CASP9: variants seen among roughly 807,000 people sequenced by gnomAD.
CASP9 encodes caspase 9, also known as caspase-9.
In CASP9, 29 loss-of-function variants were observed where a neutral mutation model predicts 43.5. The ratio of observed to expected loss-of-function variants is 0.67; its 90% CI spans 0.50 to 0.91. The LOEUF is 0.91. CASP9 is among the 40% of genes least tolerant of loss of function. The pLI is 0.00. For missense variants in CASP9, 575 were observed against 537.4 expected (o/e 1.07, Z -0.69); for synonymous variants, 206 against 211.9 (o/e 0.97, Z 0.24).
intron 6 of CASP9, among the ~76,000 whole-genome samples, chr1:15,499,253 C>G (rs1709232051): frequency 6.6e-6 from 1 of 152,172 alleles, no homozygotes; most frequent in South Asian, 2.1e-4. Flanking sequence ...TTCTTTACAT[C>G]TGCAAAGTGA....
intron 3 of CASP9, 70 bp from the exon 4 acceptor site, chr1:15,507,145 G>A: frequency 6.3e-7 from 1 of 1,582,624 alleles, no homozygotes; most frequent in Non-Finnish European, 8.7e-7. Flanking sequence ...TGGAGAGGCG[G>A]GAAGAAAACG....
chr1:15,513,947 C>A (rs962208840), intron 2 of CASP9, among the ~76,000 whole-genome samples: 1 of 152,140 alleles, frequency 6.6e-6, no homozygotes, highest in Admixed American at 6.5e-5. Flanking sequence ...TGTGATGACA[C>A]CTCAAACAAT....
intron 1 of CASP9, 65 bp from the exon 2 acceptor site, chr1:15,518,460 C>T: frequency 6.6e-7 from 1 of 1,516,640 alleles, no homozygotes. Flanking sequence ...CACCTTGTCT[C>T]CCCATTTCCC....
intron 2 of CASP9, 96 bp from the exon 3 acceptor site, chr1:15,508,003 C>T (rs774500501): frequency 5.2e-5 from 66 of 1,257,166 alleles, no homozygotes; most frequent in Non-Finnish European, 6.6e-5. Context: ...AACGGAGCAG[C>T]GAGAACTCAG....
At chr1:15,524,388 G>C, upstream of CASP9, 2 of 1,351,850 alleles carry the variant, frequency 1.5e-6, no homozygotes, top group Non-Finnish European at 1.9e-6. Flanking sequence ...AGTCGCTCTT[G>C]CGTCACCGCC....
Position 15,518,198 on chromosome 1 carries a change from C to A in CASP9, c.330G>T (p.Val110=). Residue 110 remains valine, a synonymous_variant, in exon 2 of 9, where the codon GTG becomes GTT. Transcript: ENST00000333868. ...CTGGTTTGCGAATCTCTGGTCTGAG[C>A]ACCACTGGGGTAAGGTTTTCTAGGG... The part of the protein sequence containing the change: ...KPTLENLTPV[V]LRPEIRKPEV... 6.2e-7 allele frequency: 1 copy of A among 1,614,220 alleles called. No individual in the cohort carries two copies. Among genetic ancestry groups the A allele is most frequent in the Non-Finnish European group, 8.5e-7 (1 of 1,180,042 alleles).
intron 2 of CASP9, 122 bp downstream of exon 2, chr1:15,517,988 G>T: frequency 8.3e-7 from 1 of 1,206,124 alleles, no homozygotes; most frequent in Non-Finnish European, 1.2e-6. Context: ...CCATCCCTAT[G>T]AACATTCAGA....
chr1:15,516,189 G>A (rs1709940413), intron 2 of CASP9, among the ~76,000 whole-genome samples: 1 of 143,790 alleles, frequency 7.0e-6, no homozygotes, highest in African/African-American at 2.6e-5. Flanking sequence ...GTGACAGAGC[G>A]AGACTCCCTC....
At chr1:15,516,749 G>A (rs2042369) in intron 2 of CASP9, among the ~76,000 whole-genome samples, 41,500 of 152,082 alleles carry the variant, frequency 0.27, 6,486 homozygotes, top group African/African-American at 0.42. Flanking sequence ...AGAACTAGAC[G>A]CACATGCAAG....
chr1:15,511,224 G>A (rs1370189276), intron 2 of CASP9, among the ~76,000 whole-genome samples: 1 of 152,172 alleles, frequency 6.6e-6, no homozygotes, highest in African/African-American at 2.4e-5. Context: ...TCTTTCAGTT[G>A]TTTTGGGTGA....
chr1:15,521,269 C>CAA (rs34494163), intron 1 of CASP9, among the ~76,000 whole-genome samples: 33 of 124,914 alleles, frequency 2.6e-4, no homozygotes, highest in African/African-American at 9.5e-4. Flanking sequence ...GACACCACCT[C>CAA]AAAAAAAAAA....
intron 8 of CASP9, 149 bp from the exon 9 acceptor site, chr1:15,493,184 A>G: frequency 6.9e-7 from 1 of 1,449,014 alleles, no homozygotes; most frequent in Non-Finnish European, 9.0e-7. Flanking sequence ...CTTAAAGAAT[A>G]CGCACCTCAA....
At position 15,524,051 on chromosome 1, in the gene CASP9, A is replaced by ATGGGGCC; in HGVS notation, c.132+17_132+18insGGCCCCA. On this transcript the variant is annotated intron_variant, in intron 1 of 8. Coordinates refer to ENST00000333868, the MANE Select transcript of CASP9 (RefSeq NM_001229.5). ...GGACCCGGCCGTGCAGCGCGGGGAC[A>ATGGGGCC]GGGGGCCGGGGGCGCACCTGGATGT... 1 of 1,392,356 alleles carries ATGGGGCC rather than the reference A, an allele frequency of 7.2e-7. No individual in the cohort carries two copies. 86.3% of individuals were successfully genotyped at this position (1,392,356 alleles called of 1,614,324 possible). A position where few individuals can be genotyped will look rare whatever the true frequency, so the allele number is the denominator to read the frequency against.
intron 7 of CASP9, among the ~76,000 whole-genome samples, chr1:15,494,605 T>C (rs191755187): frequency 6.7e-6 from 1 of 149,006 alleles, no homozygotes; most frequent in African/African-American, 2.5e-5. Context: ...GGCTCACGCC[T>C]GTAATCCCAG....
upstream of CASP9, chr1:15,524,289 C>G: frequency 6.8e-7 from 1 of 1,473,234 alleles, no homozygotes. Flanking sequence ...GCCCCCGCCC[C>G]AGGGCCTGCC....
rs1397150320 is a variant in CASP9, at chr1:15,508,006, GA to G, written c.419-100del. 4.1e-6 allele frequency: 5 copies of G among 1,226,420 alleles called. 1 individual carries two copies. Among genetic ancestry groups the G allele is most frequent in the Non-Finnish European group, 6.0e-6 (5 of 836,006 alleles). The allele number at this position is 1,226,420 out of a possible 1,614,324, so 76.0% of individuals were successfully genotyped here. A position where few individuals can be genotyped will look rare whatever the true frequency, so the allele number is the denominator to read the frequency against. ...CAGCCCCCCAAGAACGGAGCAGCGAGAACTCAGACCCTCAGACTCTGCTGGT... is the reference window on the plus strand; with the variant it reads ...CAGCCCCCCAAGAACGGAGCAGCGAGACTCAGACCCTCAGACTCTGCTGGT... On this transcript the variant is annotated intron_variant, in intron 2 of 8. Transcript: ENST00000333868.
At chr1:15,493,459 T>C in intron 8 of CASP9, 1 of 1,266,132 alleles carries the variant, frequency 7.9e-7, no homozygotes, top group Non-Finnish European at 1.0e-6. Flanking sequence ...CCTATCTGTT[T>C]CCTCACTGGG....
At chr1:15,497,746 T>C (rs982756422) in intron 6 of CASP9, among the ~76,000 whole-genome samples, 6 of 152,144 alleles carry the variant, frequency 3.9e-5, no homozygotes, top group African/African-American at 1.4e-4. Context: ...ATAGATTAAA[T>C]GTAATCCCTA....
chr1:15,492,623 T>C lies in CASP9; in HGVS notation c.*320A>G, dbSNP rs1214506027. 2 of 342,816 alleles carry C rather than the reference T, an allele frequency of 5.8e-6. No homozygotes were observed. Among genetic ancestry groups the C allele is most frequent in the Non-Finnish European group, 1.1e-5 (2 of 187,366 alleles). The allele number at this position is 342,816 out of a possible 1,614,324, so 21.2% of individuals were successfully genotyped here. A position where few individuals can be genotyped will look rare whatever the true frequency, so the allele number is the denominator to read the frequency against. ...CAGCAAAGGGTGACCTGGCCCCACA[T>C]GTCAGTAGTGCAGAGGTTAATCCCT... On this transcript the variant is annotated 3_prime_UTR_variant, in exon 9 of 9. Transcript: ENST00000333868.
Sources: gnomAD v4.1 joint callset for allele counts (sites outside exome capture counted in the v4.1 genomes callset) on GRCh38, gnomAD v4.1.1 for gene constraint, MANE v1.5 for transcripts, NCBI Gene and HGNC (gene_info 2026-07-23, HGNC 2026-07-21) for gene names.